The following NCOA2 variants were observed in gnomAD, a reference collection of about 807,000 sequenced individuals.
NCOA2 encodes the protein nuclear receptor coactivator 2, also known as class E basic helix-loop-helix protein 75.
NCOA2 carries 21 observed loss-of-function variants against 145.1 expected under a neutral mutation model. The observed-to-expected ratio is 0.14, with a 90% CI of 0.10 to 0.21. The LOEUF is 0.21. Ranked by LOEUF, NCOA2 falls within the 10% of genes least tolerant of loss-of-function variation. The pLI is 1.00. For missense variants in NCOA2, 1,472 were observed against 1,837.6 expected (o/e 0.80, Z 3.64); for synonymous variants, 619 against 637.5 (o/e 0.97, Z 0.44).
chr8:70,124,759 A>C lies in NCOA2; in HGVS notation c.4023T>G (p.Ser1341=). The C allele has an allele frequency of 6.2e-7, 1 of 1,613,634 alleles. No homozygotes were observed. ...AHTQSPMMQQ[S]QANPAYQAPS... ...GGGCCTGATAGGCTGGGTTGGCCTGAGACTGTTGCATCATGGGACTCTGTG... is the reference window on the plus strand; with the variant it reads ...GGGCCTGATAGGCTGGGTTGGCCTGCGACTGTTGCATCATGGGACTCTGTG... The change falls in exon 20 of 23, where the codon TCT becomes TCG. Residue 1341 remains serine, a synonymous_variant. Transcript: ENST00000452400.
intron 19 of NCOA2, 35 bp downstream of exon 19, chr8:70,126,778 A>G: frequency 1.9e-6 from 3 of 1,556,380 alleles, no homozygotes; most frequent in Non-Finnish European, 2.7e-6. Flanking sequence ...GGGAGAAAGG[A>G]CTGGTGAAAG....
At chr8:70,403,269 C>T (rs1432145357) in intron 1 of NCOA2, among the ~76,000 whole-genome samples, 3 of 151,492 alleles carry the variant, frequency 2.0e-5, no homozygotes, top group South Asian at 4.1e-4. Flanking sequence ...CCGGGCTGGG[C>T]AATGGGCACT....
chr8:70,376,351 G>A (rs1342958004), intron 1 of NCOA2, among the ~76,000 whole-genome samples: 1 of 151,502 alleles, frequency 6.6e-6, no homozygotes, highest in Non-Finnish European at 1.5e-5. Context: ...TTTACACAGT[G>A]GCCCAGTACA....
the NCOA2 span, among the ~76,000 whole-genome samples, chr8:70,443,849 A>C: frequency 1.3e-5 from 2 of 152,300 alleles, no homozygotes; most frequent in African/African-American, 4.8e-5. Context: ...TGCTGCAATT[A>C]CCGGCTATAA....
chr8:70,329,592 T>C (rs145454008), intron 1 of NCOA2, among the ~76,000 whole-genome samples: 7 of 152,182 alleles, frequency 4.6e-5, no homozygotes, highest in Middle Eastern at 3.4e-3. Flanking sequence ...TGAGGGCTCA[T>C]GTCCACAAAA....
intron 11 of NCOA2, 62 bp downstream of exon 11, chr8:70,155,909 A>G: frequency 2.2e-6 from 3 of 1,333,770 alleles, no homozygotes; most frequent in Non-Finnish European, 3.0e-6. Flanking sequence ...AAATGCCCCT[A>G]TGGAGAAAAT....
At chr8:70,158,618 G>T (rs925200702) in intron 10 of NCOA2, among the ~76,000 whole-genome samples, 2 of 152,146 alleles carry the variant, frequency 1.3e-5, no homozygotes, top group Admixed American at 1.3e-4. Context: ...ACTCAAGGCT[G>T]GCGCATGCCT....
intron 1 of NCOA2, among the ~76,000 whole-genome samples, chr8:70,301,101 T>A (rs1827454523): frequency 6.6e-6 from 1 of 152,190 alleles, no homozygotes; most frequent in Admixed American, 6.5e-5. Context: ...GTCACTGTTT[T>A]GATAATGCTA....
At chr8:70,118,715 T>C (rs532063767) in intron 22 of NCOA2, among the ~76,000 whole-genome samples, 1 of 148,926 alleles carries the variant, frequency 6.7e-6, no homozygotes, top group Admixed American at 6.7e-5. Flanking sequence ...TGAGACAGAG[T>C]TTTGCTCTTG....
At chr8:70,165,240 T>C (rs1344145274) in intron 7 of NCOA2, among the ~76,000 whole-genome samples, 1 of 152,234 alleles carries the variant, frequency 6.6e-6, no homozygotes, top group Non-Finnish European at 1.5e-5. Flanking sequence ...ATGTGTTTAT[T>C]ATCTCTAACA....
chr8:70,422,510 G>A, the NCOA2 span, among the ~76,000 whole-genome samples: 16 of 151,614 alleles, frequency 1.1e-4, no homozygotes, highest in Admixed American at 6.6e-4. Context: ...TCCCAGGGTC[G>A]AGCGATCCTC....
chr8:70,329,804 G>A (rs1286048510), intron 1 of NCOA2, among the ~76,000 whole-genome samples: 1 of 152,132 alleles, frequency 6.6e-6, no homozygotes, highest in Non-Finnish European at 1.5e-5. Context: ...GCACAGCAAA[G>A]AAGCCTGACA....
chr8:70,297,228 T>G (rs1042052526), intron 1 of NCOA2, among the ~76,000 whole-genome samples: 1 of 152,116 alleles, frequency 6.6e-6, no homozygotes, highest in Non-Finnish European at 1.5e-5. Context: ...GCTGAATAAA[T>G]AAAGAAAGTT....
At chr8:70,418,383 T>C in the NCOA2 span, among the ~76,000 whole-genome samples, 2 of 152,208 alleles carry the variant, frequency 1.3e-5, no homozygotes, top group Non-Finnish European at 2.9e-5. Context: ...AATGAGTTTC[T>C]TGATCAGAAG....
intron 2 of NCOA2, among the ~76,000 whole-genome samples, chr8:70,227,635 T>C (rs1175168122): frequency 6.6e-6 from 1 of 152,162 alleles, no homozygotes; most frequent in Non-Finnish European, 1.5e-5. Flanking sequence ...TATGAGGCAA[T>C]GGTTGACATT....
At chr8:70,175,279 T>C (rs1814700994) in intron 4 of NCOA2, among the ~76,000 whole-genome samples, 1 of 152,226 alleles carries the variant, frequency 6.6e-6, no homozygotes, top group African/African-American at 2.4e-5. Flanking sequence ...TTTGAAGAAG[T>C]AACAAGGACT....
At chr8:70,125,768 GA>G (rs1808343716) in intron 19 of NCOA2, among the ~76,000 whole-genome samples, 1 of 152,008 alleles carries the variant, frequency 6.6e-6, no homozygotes, top group Non-Finnish European at 1.5e-5. Context: ...GTAAGAATAA[GA>G]AAAAAATTCA....
intron 1 of NCOA2, among the ~76,000 whole-genome samples, chr8:70,368,042 A>G (rs888177944): frequency 1.3e-5 from 2 of 152,226 alleles, no homozygotes; most frequent in Non-Finnish European, 2.9e-5. Context: ...TTTCCAAATG[A>G]AGACTAGGAA....
intron 8 of NCOA2, 47 bp from the exon 9 acceptor site, chr8:70,162,901 T>C (rs1813187573): frequency 7.3e-7 from 1 of 1,367,850 alleles, no homozygotes; most frequent in Non-Finnish European, 9.8e-7. Context: ...ATCTATTCTT[T>C]ATGGAAATAA....
Sources: allele counts gnomAD v4.1 joint callset (sites outside exome capture counted in the v4.1 genomes callset), GRCh38; gene constraint gnomAD v4.1.1; transcripts MANE v1.5; gene names NCBI Gene and HGNC (gene_info 2026-07-23, HGNC 2026-07-21).